DPYS: variants seen among roughly 807,000 people sequenced by gnomAD.
DPYS encodes the protein dihydropyrimidinase.
A neutral mutation model predicts 50.3 loss-of-function variants in DPYS; 39 were observed. The observed-to-expected ratio is 0.78, with a 90% CI of 0.60 to 1.01. DPYS has a LOEUF of 1.01. Ranked by LOEUF, DPYS falls within the 50% of genes least tolerant of loss-of-function variation. DPYS has a pLI of 0.00. For missense variants in DPYS, 659 were observed against 680.9 expected (o/e 0.97, Z 0.36); for synonymous variants, 245 against 250.7 (o/e 0.98, Z 0.22).
chr8:104,433,880 A>C (rs35513452), intron 4 of DPYS, among the ~76,000 whole-genome samples: 20,913 of 152,212 alleles, frequency 0.14, 1,658 homozygotes, highest in African/African-American at 0.19. Flanking sequence ...GACAGAGTTT[A>C]CATAAAATGG....
At chr8:104,446,392 G>A (rs1813531786) in intron 3 of DPYS, among the ~76,000 whole-genome samples, 1 of 152,174 alleles carries the variant, frequency 6.6e-6, no homozygotes, top group Admixed American at 6.5e-5. Flanking sequence ...TTGTTGAAGT[G>A]ACTCACTGTC....
At chr8:104,402,365 A>G (rs1466127053) in intron 7 of DPYS, among the ~76,000 whole-genome samples, 1 of 152,256 alleles carries the variant, frequency 6.6e-6, no homozygotes, top group Non-Finnish European at 1.5e-5. Flanking sequence ...TTTAAGGAAC[A>G]GGAACTGAAT....
intron 4 of DPYS, among the ~76,000 whole-genome samples, chr8:104,436,111 A>T (rs1813134932): frequency 6.6e-6 from 1 of 152,098 alleles, no homozygotes; most frequent in African/African-American, 2.4e-5. Context: ...CTTAAACTGA[A>T]GCTGTCCAGT....
chr8:104,414,509 A>T (rs1309397252), intron 7 of DPYS, among the ~76,000 whole-genome samples: 1 of 152,132 alleles, frequency 6.6e-6, no homozygotes, highest in Non-Finnish European at 1.5e-5. Context: ...TTAAAAAAAA[A>T]ATAGTAAATC....
At chr8:104,393,081 A>C (rs1252066355) in intron 7 of DPYS, 90 bp from the exon 8 acceptor site, 3 of 1,235,120 alleles carry the variant, frequency 2.4e-6, no homozygotes, top group Non-Finnish European at 3.5e-6. Flanking sequence ...ACTTAGAAGA[A>C]AACTTAGCAA....
At chr8:104,424,423 C>T (rs776448083) in intron 6 of DPYS, 34 bp from the exon 7 acceptor site, 1 of 1,607,012 alleles carries the variant, frequency 6.2e-7, no homozygotes, top group Non-Finnish European at 8.5e-7. Context: ...TTCTAATGAT[C>T]AAATACTAAA....
chr8:104,457,387 AATTTAAAACTTATGATTGTTT>A (rs1473765401), intron 1 of DPYS, among the ~76,000 whole-genome samples: 1 of 152,214 alleles, frequency 6.6e-6, no homozygotes, highest in African/African-American at 2.4e-5. Context: ...GACGTTGTAC[AATTTAAAACTTATGATTGTTT>A]ATTTCTGGAA....
chr8:104,380,974 A>G (rs1811011284), intron 9 of DPYS: 1 of 515,196 alleles, frequency 1.9e-6, no homozygotes, highest in Non-Finnish European at 3.5e-6. Flanking sequence ...AACATCTTAA[A>G]GAATGACTCT....
chr8:104,425,329 G>C (rs1427041589), intron 6 of DPYS, among the ~76,000 whole-genome samples: 1 of 151,798 alleles, frequency 6.6e-6, no homozygotes, highest in Non-Finnish European at 1.5e-5. Context: ...CCTTGGCTCA[G>C]GTGATCCTCC....
chr8:104,405,028 T>G (rs1312014299), intron 7 of DPYS, among the ~76,000 whole-genome samples: 1 of 146,234 alleles, frequency 6.8e-6, no homozygotes, highest in Admixed American at 6.8e-5. Context: ...GAGCCACAAA[T>G]AAGAAAAAAA....
At chr8:104,434,442 C>T (rs1236394022) in intron 4 of DPYS, among the ~76,000 whole-genome samples, 2 of 152,232 alleles carry the variant, frequency 1.3e-5, no homozygotes, top group East Asian at 3.9e-4. Context: ...AACAGATTTT[C>T]GGGTTAACTT....
At chr8:104,396,391 C>T (rs1240619590) in intron 7 of DPYS, among the ~76,000 whole-genome samples, 2 of 152,112 alleles carry the variant, frequency 1.3e-5, no homozygotes, top group Non-Finnish European at 1.5e-5. Context: ...TTAAGAGTTA[C>T]TGAAGCTCTT....
chr8:104,386,781 C>T (rs572974187), intron 8 of DPYS, among the ~76,000 whole-genome samples: 2 of 152,040 alleles, frequency 1.3e-5, no homozygotes, highest in South Asian at 4.2e-4. Context: ...ACATGCACTA[C>T]CACTCACGGC....
intron 7 of DPYS, chr8:104,420,713 A>T (rs578179773): frequency 6.6e-6 from 1 of 151,550 alleles, no homozygotes; most frequent in African/African-American, 2.4e-5. Context: ...AAAAAAAAAA[A>T]AAAACGATAA....
chr8:104,457,206 G>C (rs184994443), intron 1 of DPYS, among the ~76,000 whole-genome samples: 49 of 152,262 alleles, frequency 3.2e-4, no homozygotes, highest in African/African-American at 1.1e-3. Flanking sequence ...CTTGTGGGTG[G>C]CCACAAGCAC....
At chr8:104,444,188 A>G in intron 4 of DPYS, 60 bp downstream of exon 4, 1 of 1,585,814 alleles carries the variant, frequency 6.3e-7, no homozygotes, top group Non-Finnish European at 8.6e-7. Context: ...GAGGCTACAG[A>G]CGTGGACTTT....
At chr8:104,461,831 G>C (rs537284699) in intron 1 of DPYS, among the ~76,000 whole-genome samples, 15 of 152,152 alleles carry the variant, frequency 9.9e-5, no homozygotes, top group South Asian at 6.2e-4. Context: ...GGATAATGAG[G>C]CCACAAAATC....
chr8:104,453,133 A>G (rs1813811714), intron 1 of DPYS, among the ~76,000 whole-genome samples: 1 of 151,972 alleles, frequency 6.6e-6, no homozygotes, highest in Non-Finnish European at 1.5e-5. Context: ...TGCTTACTTC[A>G]ATAGATTTTT....
chr8:104,434,063 T>G (rs189551952), intron 4 of DPYS, among the ~76,000 whole-genome samples: 22 of 152,294 alleles, frequency 1.4e-4, no homozygotes, highest in Admixed American at 4.6e-4. Flanking sequence ...TTATACATTT[T>G]AGGGAGATAC....
Sources: allele counts gnomAD v4.1 joint callset (sites outside exome capture counted in the v4.1 genomes callset), GRCh38; gene constraint gnomAD v4.1.1; transcripts MANE v1.5; gene names NCBI Gene and HGNC (gene_info 2026-07-23, HGNC 2026-07-21).